VRK1: variants seen among roughly 807,000 people sequenced by gnomAD.
The protein encoded by VRK1 is serine/threonine-protein kinase VRK1.
A neutral mutation model predicts 57.1 loss-of-function variants in VRK1; 33 were observed. That is an observed-to-expected ratio of 0.58 (90% CI 0.44 to 0.77). VRK1 has a LOEUF of 0.77. Ranked by LOEUF, VRK1 falls within the 30% of genes least tolerant of loss-of-function variation. VRK1 has a pLI of 0.00. For synonymous variants in VRK1, 137 were observed against 147.8 expected, an observed-to-expected ratio of 0.93 and a Z score of 0.53; for missense variants, 413 against 477.3, an observed-to-expected ratio of 0.87 and a Z score of 1.25.
intron 11 of VRK1, among the ~76,000 whole-genome samples, chr14:96,865,961 T>C (rs1034636761): frequency 3.3e-5 from 5 of 152,116 alleles, no homozygotes; most frequent in African/African-American, 1.2e-4. Context: ...GTAAGTATTT[T>C]TAAATGTAGT....
chr14:96,823,062 A>G (rs1886662972), intron 1 of VRK1, among the ~76,000 whole-genome samples: 1 of 152,178 alleles, frequency 6.6e-6, no homozygotes, highest in Admixed American at 6.5e-5. Context: ...CCAATGAGCA[A>G]AGTCCTTTCA....
At chr14:96,866,339 A>G (rs961745976) in intron 11 of VRK1, among the ~76,000 whole-genome samples, 6 of 152,110 alleles carry the variant, frequency 3.9e-5, no homozygotes, top group South Asian at 4.1e-4. Flanking sequence ...ATTTTCCAGT[A>G]TTTGCTTCGG....
At chr14:96,814,985 C>T (rs1886338799) in intron 1 of VRK1, among the ~76,000 whole-genome samples, 1 of 152,152 alleles carries the variant, frequency 6.6e-6, no homozygotes, top group Non-Finnish European at 1.5e-5. Flanking sequence ...GCTGCAGTAA[C>T]TATCCATGTA....
chr14:96,819,094 T>C lies in VRK1; in HGVS notation c.-5-14373T>C, dbSNP rs116611454. On this transcript the variant is annotated intron_variant, in intron 1 of 12. Coordinates refer to ENST00000216639, the MANE Select transcript of VRK1 (RefSeq NM_003384.3). ...GAGTTCTTTGTTGACTGACTATCTT[T>C]CGTTTGATTTTATTCTGACTTACTG... 9.8e-4 allele frequency among the ~76,000 whole-genome samples: 150 copies of C among 152,348 alleles called. 1 individual carries two copies. The highest frequency in any genetic ancestry group is 3.4e-3 in the Middle Eastern group (1 of 294).
At chr14:96,848,784 A>G (rs1328416402) in intron 5 of VRK1, among the ~76,000 whole-genome samples, 1 of 152,210 alleles carries the variant, frequency 6.6e-6, no homozygotes, top group African/African-American at 2.4e-5. Context: ...AAATGGAGTA[A>G]CAGCTACCCA....
chr14:96,864,695 C>G (rs763971556), intron 11 of VRK1, among the ~76,000 whole-genome samples: 2 of 152,126 alleles, frequency 1.3e-5, no homozygotes, highest in African/African-American at 2.4e-5. Context: ...CAAAGCTGCT[C>G]TCTCAGCTTA....
chr14:96,829,725 G>A (rs891711848), intron 1 of VRK1, among the ~76,000 whole-genome samples: 7 of 152,014 alleles, frequency 4.6e-5, no homozygotes, highest in Non-Finnish European at 8.8e-5. Flanking sequence ...CCTTTTTTGC[G>A]TATGTTATCC....
intron 1 of VRK1, among the ~76,000 whole-genome samples, chr14:96,817,022 G>T (rs1302657055): frequency 6.6e-6 from 1 of 152,180 alleles, no homozygotes; most frequent in African/African-American, 2.4e-5. Flanking sequence ...CATATGAAAT[G>T]ATGTGTTGTC....
chr14:96,872,401 A>G (rs374084838), intron 11 of VRK1, among the ~76,000 whole-genome samples: 14 of 152,362 alleles, frequency 9.2e-5, no homozygotes, highest in African/African-American at 3.1e-4. Flanking sequence ...GGGTTAGATA[A>G]ATGAGGAAAA....
intron 3 of VRK1, among the ~76,000 whole-genome samples, chr14:96,839,088 T>TTTG (rs1887346427): frequency 6.6e-6 from 1 of 151,142 alleles, no homozygotes; most frequent in Non-Finnish European, 1.5e-5. Flanking sequence ...TCTTGAGTTT[T>TTTG]TTTTTTTTTT....
intron 11 of VRK1, among the ~76,000 whole-genome samples, chr14:96,872,085 G>A (rs1364423882): frequency 3.9e-5 from 6 of 152,148 alleles, no homozygotes; most frequent in Non-Finnish European, 4.4e-5. Flanking sequence ...GATTGTAGGC[G>A]TGAGCTACTG....
intron 4 of VRK1, 96 bp from the exon 5 acceptor site, chr14:96,847,161 T>C (rs978138179): frequency 1.1e-5 from 10 of 891,064 alleles, no homozygotes; most frequent in African/African-American, 6.7e-5. Context: ...TGAATTCTTA[T>C]TGCATGTATA....
At chr14:96,807,448 T>C (rs1595637668) in intron 1 of VRK1, among the ~76,000 whole-genome samples, 3 of 152,362 alleles carry the variant, frequency 2.0e-5, no homozygotes, top group African/African-American at 7.2e-5. Context: ...CATTGGTGGC[T>C]TTCCTCTTTT....
At chr14:96,873,485 GTTTAT>G (rs899221103) in intron 11 of VRK1, among the ~76,000 whole-genome samples, 1 of 151,754 alleles carries the variant, frequency 6.6e-6, no homozygotes, top group African/African-American at 2.4e-5. Flanking sequence ...GAATACTCAA[GTTTAT>G]TTTATAAGTT....
chr14:96,824,415 G>A (rs1886720525), intron 1 of VRK1, among the ~76,000 whole-genome samples: 1 of 152,180 alleles, frequency 6.6e-6, no homozygotes. Flanking sequence ...GCAGTGTTGA[G>A]TGCTTCTGGG....
intron 1 of VRK1, among the ~76,000 whole-genome samples, chr14:96,807,978 T>TCACTCTCC (rs1885952652): frequency 1.3e-5 from 1 of 77,866 alleles, no homozygotes; most frequent in African/African-American, 5.1e-5. Flanking sequence ...TCTCTCTCTG[T>TCACTCTCC]CTCTCTCCCT....
chr14:96,800,383 ACTC>A (rs1465426574), intron 1 of VRK1, among the ~76,000 whole-genome samples: 14 of 151,884 alleles, frequency 9.2e-5, no homozygotes, highest in African/African-American at 2.7e-4. Context: ...AGCACATCCT[ACTC>A]CTCCTGTTCT....
chr14:96,881,515 A>G lies in VRK1; in HGVS notation c.*307A>G, dbSNP rs1889258097. On this transcript the variant is annotated 3_prime_UTR_variant, in exon 13 of 13. Coordinates refer to ENST00000216639, the MANE Select transcript of VRK1 (RefSeq NM_003384.3). ...ACACGCACTTTTCTAATCATTGTACATTTCTCAGAGTGGATAAAAATGTTT... is the reference window on the plus strand; with the variant it reads ...ACACGCACTTTTCTAATCATTGTACGTTTCTCAGAGTGGATAAAAATGTTT... The G allele has an allele frequency of 3.9e-6, 1 of 254,840 alleles. No individual in the cohort carries two copies. The highest frequency in any genetic ancestry group is 8.6e-5 in the South Asian group (1 of 11,672). The allele number at this position is 254,840 out of a possible 1,614,324, so 15.8% of individuals were successfully genotyped here.
intron 11 of VRK1, 92 bp from the exon 12 acceptor site, chr14:96,875,938 A>G: frequency 7.3e-7 from 1 of 1,373,256 alleles, no homozygotes; most frequent in East Asian, 2.4e-5. Context: ...ACCTATATAC[A>G]TTTATACACA....
Sources: gnomAD v4.1 joint callset for allele counts (sites outside exome capture counted in the v4.1 genomes callset) on GRCh38, gnomAD v4.1.1 for gene constraint, MANE v1.5 for transcripts, NCBI Gene and HGNC (gene_info 2026-07-23, HGNC 2026-07-21) for gene names.